Variants in PAX9 observed in about 807,000 individuals in gnomAD.
The protein encoded by PAX9 is paired box protein Pax-9.
A neutral mutation model predicts 29.1 loss-of-function variants in PAX9; 6 were observed. The observed-to-expected ratio is 0.21, with a 90% CI of 0.11 to 0.41. PAX9 has a LOEUF of 0.41. Among genes scored for constraint, PAX9 ranks in the 10% least tolerant of loss-of-function variants. The probability of loss-of-function intolerance (pLI) is 1.00; values close to 1 mark genes in which losing one functional copy is unlikely to be tolerated. For synonymous variants in PAX9, 217 were observed against 211.7 expected, an observed-to-expected ratio of 1.03 and a Z score of -0.22; for missense variants, 443 against 479.1, an observed-to-expected ratio of 0.92 and a Z score of 0.70.
At position 36,677,269 on chromosome 14, in the gene PAX9, A is replaced by AT. The variant is rs1881937690; in HGVS notation, c.*817_*818insT. ...GGTGGTGGGCTGCTCGGGCTCCTGG[A>AT]CCTGGACTTGCCCCCAAATTTTGTG... On this transcript the variant is annotated 3_prime_UTR_variant, in exon 4 of 4. Coordinates refer to ENST00000361487, the MANE Select transcript of PAX9 (RefSeq NM_001372076.1). The AT allele has an allele frequency of 6.6e-6, 1 of 151,996 alleles. No individual in the cohort carries two copies. The highest frequency in any genetic ancestry group is 2.4e-5 in the African/African-American group (1 of 41,316). The allele number at this position is 151,996 out of a possible 1,614,324, so 9.4% of individuals were successfully genotyped here. A position where few individuals can be genotyped will look rare whatever the true frequency, so the allele number is the denominator to read the frequency against.
At chr14:36,668,541 G>A (rs1364516177) in intron 3 of PAX9, among the ~76,000 whole-genome samples, 2 of 152,042 alleles carry the variant, frequency 1.3e-5, no homozygotes, top group African/African-American at 4.8e-5. Context: ...GGCACGCGCC[G>A]CCACACCCAC....
chr14:36,662,818 T>C (rs900251522), intron 1 of PAX9, 79 bp from the exon 2 acceptor site: 3 of 1,542,320 alleles, frequency 1.9e-6, no homozygotes, highest in African/African-American at 2.7e-5. Flanking sequence ...AGTCCCCGGA[T>C]GCGTAGGGAG....
chr14:36,662,062 G>C lies in PAX9; in HGVS notation c.-28G>C. On this transcript the variant is annotated 5_prime_UTR_variant, in exon 1 of 4. Coordinates refer to ENST00000361487, the MANE Select transcript of PAX9 (RefSeq NM_001372076.1). ...GTTTCTGTCTGGGAGTGCGGAACTG[G>C]GGCCGGGTTGGTGTACTGCTCGGAG... 1.9e-6 allele frequency: 3 copies of C among 1,561,646 alleles called. No homozygotes were observed. The highest frequency in any genetic ancestry group is 2.6e-6 in the Non-Finnish European group (3 of 1,153,864).
At chr14:36,659,971 T>C (rs1566463945), upstream of PAX9, among the ~76,000 whole-genome samples, 1 of 152,126 alleles carries the variant, frequency 6.6e-6, no homozygotes, top group Non-Finnish European at 1.5e-5. Flanking sequence ...CTAGCAGCCC[T>C]GCAGACTGCA....
At chr14:36,660,417 T>G (rs1881213354), upstream of PAX9, among the ~76,000 whole-genome samples, 1 of 152,260 alleles carries the variant, frequency 6.6e-6, no homozygotes, top group Non-Finnish European at 1.5e-5. Context: ...GAGTGGTGTT[T>G]TAGTTCATCT....
intron 1 of PAX9, chr14:36,662,547 AAGGACT>A: frequency 2.3e-6 from 1 of 433,384 alleles, no homozygotes; most frequent in Non-Finnish European, 4.1e-6. Context: ...GGAGCGGCTC[AAGGACT>A]TTAGTGAGGA....
In PAX9 at chr14:36,663,049, G is replaced by A. The variant is rs1881342726; in HGVS notation, c.157G>A (p.Val53Ile). Reference sequence around the variant, plus strand: ...CCAGCTACGGGTCTCGCACGGCTGCGTCAGCAAGATCCTGGCGCGATACAA... The same window carrying A: ...CCAGCTACGGGTCTCGCACGGCTGCATCAGCAAGATCCTGGCGCGATACAA... ...SRQLRVSHGC[V>I]SKILARYNET... Residue 53 changes from valine (V) to isoleucine (I), a missense_variant, in exon 2 of 4, where the codon GTC (valine) becomes ATC (isoleucine). Transcript: ENST00000361487. The A allele has an allele frequency of 1.2e-6, 2 of 1,613,746 alleles. No individual in the cohort carries two copies. The highest frequency in any genetic ancestry group is 1.7e-6 in the Non-Finnish European group (2 of 1,180,036).
intron 3 of PAX9, among the ~76,000 whole-genome samples, chr14:36,668,787 T>C (rs934360400): frequency 1.3e-5 from 2 of 152,168 alleles, no homozygotes; most frequent in Non-Finnish European, 2.9e-5. Flanking sequence ...TGACAAATTA[T>C]TTAAAATAAA....
At chr14:36,673,553 C>T (rs1480432516) in intron 3 of PAX9, among the ~76,000 whole-genome samples, 1 of 17,616 alleles carries the variant, frequency 5.7e-5, no homozygotes, top group East Asian at 6.3e-4. Context: ...GTAAGGGGAC[C>T]ATAGACATTG....
intron 3 of PAX9, among the ~76,000 whole-genome samples, chr14:36,675,396 A>G: frequency 6.6e-6 from 1 of 152,134 alleles, no homozygotes; most frequent in East Asian, 1.9e-4. Flanking sequence ...TTGTGTTTGC[A>G]AACAAAGATT....
At position 36,670,419 on chromosome 14, in the gene PAX9, C is replaced by T. The variant is rs187713093; in HGVS notation, c.771+3818C>T. 4.3e-4 allele frequency among the ~76,000 whole-genome samples: 66 copies of T among 151,924 alleles called. 1 individual carries two copies. The highest frequency in any genetic ancestry group is 4.3e-3 in the Admixed American group (65 of 15,282). ...GAAATTCTTATGAAGCATTTACTTG[C>T]ACATGCATTTGAAGTGAAGATAGTC... is the stretch of plus-strand genomic sequence containing the variant. On this transcript the variant is annotated intron_variant, in intron 3 of 3. Coordinates refer to ENST00000361487, the MANE Select transcript of PAX9 (RefSeq NM_001372076.1).
chr14:36,662,519 T>C, intron 1 of PAX9: 1 of 384,524 alleles, frequency 2.6e-6, no homozygotes. Context: ...ACGCTGGGGA[T>C]GGGATGGGTG....
intron 1 of PAX9, 42 bp from the exon 2 acceptor site, chr14:36,662,855 C>A (rs747359527): frequency 4.4e-6 from 7 of 1,581,742 alleles, no homozygotes; most frequent in East Asian, 2.2e-5. Flanking sequence ...CTGTCCCAAG[C>A]AGCGGGTGCG....
rs1264936364 is a variant in PAX9 at position 36,666,411 on chromosome 14, G to A, written c.632-51G>A. On this transcript the variant is annotated intron_variant, in intron 2 of 3. Transcript: ENST00000361487. ...CGGGTTTGGGTCCCGTCTCAAGAGT[G>A]GGGCGCGCGGGCTGGGCCTCCGGCC... 3.8e-6 allele frequency: 6 copies of A among 1,590,130 alleles called. No homozygotes were observed. In the Admixed American group the frequency reaches 6.9e-5, roughly 18 times the overall value.
At chr14:36,662,503 G>C (rs1463441973) in intron 1 of PAX9, 4 of 391,650 alleles carry the variant, frequency 1.0e-5, no homozygotes, top group African/African-American at 2.0e-5. Flanking sequence ...CGGGTCTCCA[G>C]AAGGAACGCT....
At chr14:36,658,338 G>A (rs1265083198), upstream of PAX9, among the ~76,000 whole-genome samples, 1 of 151,240 alleles carries the variant, frequency 6.6e-6, no homozygotes, top group Non-Finnish European at 1.5e-5. Flanking sequence ...TCCTCCGAGT[G>A]GACAAGAGGC....
At chr14:36,671,220 G>C in intron 3 of PAX9, 1 of 243,902 alleles carries the variant, frequency 4.1e-6, no homozygotes, top group South Asian at 4.0e-5. Flanking sequence ...ACCTGGCACT[G>C]TTATTTGCAT....
At position 36,663,039 on chromosome 14, in the gene PAX9, G is replaced by A. The variant is rs767808742; in HGVS notation, c.147G>A (p.Ser49=). The change falls in exon 2 of 4, where the codon TCG becomes TCA. Residue 49 remains serine, a synonymous_variant. Coordinates refer to ENST00000361487, the MANE Select transcript of PAX9 (RefSeq NM_001372076.1). The part of the protein sequence containing the change: ...PCDISRQLRV[S]HGCVSKILAR... ...ACATCAGCCGCCAGCTACGGGTCTC[G>A]CACGGCTGCGTCAGCAAGATCCTGG... is the stretch of plus-strand genomic sequence containing the variant. 6 of 1,613,694 alleles carry A rather than the reference G, an allele frequency of 3.7e-6. No individual in the cohort carries two copies. The highest frequency in any genetic ancestry group is 5.1e-6 in the Non-Finnish European group (6 of 1,180,046).
chr14:36,661,390 G>A (rs1220487505), upstream of PAX9, among the ~76,000 whole-genome samples: 1 of 152,350 alleles, frequency 6.6e-6, no homozygotes, highest in Non-Finnish European at 1.5e-5. Flanking sequence ...CTGAAGTGAG[G>A]TAGAATCGGC....
Sources: gnomAD v4.1 joint callset for allele counts (sites outside exome capture counted in the v4.1 genomes callset) on GRCh38, gnomAD v4.1.1 for gene constraint, MANE v1.5 for transcripts, NCBI Gene and HGNC (gene_info 2026-07-23, HGNC 2026-07-21) for gene names.